The following TNFSF15 variants were observed in gnomAD, a reference collection of about 807,000 sequenced individuals.
The protein encoded by TNFSF15 is TNF superfamily member 15.
A neutral mutation model predicts 26.4 loss-of-function variants in TNFSF15; 15 were observed. The observed-to-expected ratio is 0.57, with a 90% CI of 0.38 to 0.87. The LOEUF is 0.87. Ranked by LOEUF, TNFSF15 falls within the 40% of genes least tolerant of loss-of-function variation. The pLI is 0.00. For missense variants in TNFSF15, 290 were observed against 306.1 expected (o/e 0.95, Z 0.39); for synonymous variants, 116 against 115.0 (o/e 1.01, Z -0.06).
At chr9:114,802,486 C>T (rs1471232747) in intron 1 of TNFSF15, among the ~76,000 whole-genome samples, 5 of 152,126 alleles carry the variant, frequency 3.3e-5, no homozygotes, top group East Asian at 1.9e-4. Flanking sequence ...CTCCTGACCT[C>T]GTGATCCGCC....
At chr9:114,793,712 T>C (rs1829639257) in intron 1 of TNFSF15, 144 bp from the exon 2 acceptor site, 1 of 721,796 alleles carries the variant, frequency 1.4e-6, no homozygotes, top group South Asian at 1.8e-5. Flanking sequence ...AATGAAAATA[T>C]TTTTGTTGAT....
rs151161289 is a variant in TNFSF15, at chr9:114,802,410, G to A, written c.210+3393C>T. ...TGGGACTACAGGCGCGCGCCACCAC[G>A]CCCAGCTGATTTTTGTATTTTTAGT... On this transcript the variant is annotated intron_variant, in intron 1 of 3. Coordinates refer to ENST00000374045, the MANE Select transcript of TNFSF15 (RefSeq NM_005118.4). 3.2e-4 allele frequency among the ~76,000 whole-genome samples: 49 copies of A among 152,108 alleles called. No individual in the cohort carries two copies. The East Asian group carries it at 4.1e-3, about 13-fold the overall frequency.
chr9:114,802,398 G>A (rs541945064), intron 1 of TNFSF15, among the ~76,000 whole-genome samples: 101 of 152,144 alleles, frequency 6.6e-4, no homozygotes, highest in South Asian at 2.7e-3. Flanking sequence ...GACTACAGGC[G>A]CGCGCCACCA....
chr9:114,800,195 A>G (rs958693658), intron 1 of TNFSF15, among the ~76,000 whole-genome samples: 1 of 152,042 alleles, frequency 6.6e-6, no homozygotes, highest in African/African-American at 2.4e-5. Flanking sequence ...CTTTCTGGAC[A>G]TTTTGCAGAA....
At position 114,797,565 on chromosome 9, in the gene TNFSF15, A is replaced by G. The variant is rs56106245; in HGVS notation, c.211-3997T>C. Among the ~76,000 whole-genome samples the G allele has an allele frequency of 1.8e-4, 27 of 152,372 alleles. No homozygotes were observed. The East Asian group carries it at 2.9e-3, about 16-fold the overall frequency. ...GGATGGAATAATAGCTTATTTGAGA[A>G]AAGGTTTATGCATTACAGCTGTCCT... On this transcript the variant is annotated intron_variant, in intron 1 of 3. Transcript: ENST00000374045.
At chr9:114,804,913 T>C (rs1347380346) in intron 1 of TNFSF15, among the ~76,000 whole-genome samples, 1 of 152,168 alleles carries the variant, frequency 6.6e-6, no homozygotes. Flanking sequence ...AATTTAATAC[T>C]TTGAACTGAA....
chr9:114,804,271 A>G (rs1564348079), intron 1 of TNFSF15, among the ~76,000 whole-genome samples: 1 of 152,070 alleles, frequency 6.6e-6, no homozygotes, highest in Non-Finnish European at 1.5e-5. Context: ...AGTAAAAAAG[A>G]CCCCGTGCCT....
At chr9:114,802,393 C>T (rs1197397102) in intron 1 of TNFSF15, among the ~76,000 whole-genome samples, 3 of 152,146 alleles carry the variant, frequency 2.0e-5, no homozygotes, top group Admixed American at 1.3e-4. Context: ...GCTGGGACTA[C>T]AGGCGCGCGC....
At chr9:114,805,544 A>C (rs1296744277) in intron 1 of TNFSF15, among the ~76,000 whole-genome samples, 1 of 152,178 alleles carries the variant, frequency 6.6e-6, no homozygotes, top group African/African-American at 2.4e-5. Flanking sequence ...CCAGTATACT[A>C]TGATTATAAT....
intron 1 of TNFSF15, among the ~76,000 whole-genome samples, chr9:114,801,226 C>T (rs1452678489): frequency 6.6e-6 from 1 of 152,148 alleles, no homozygotes; most frequent in Non-Finnish European, 1.5e-5. Flanking sequence ...CAGAGCTGTG[C>T]CCAGAGAGGA....
intron 3 of TNFSF15, 174 bp downstream of exon 3, chr9:114,792,233 A>G (rs1199962204): frequency 5.1e-6 from 1 of 195,456 alleles, no homozygotes; most frequent in Non-Finnish European, 8.3e-6. Flanking sequence ...GTACACACAC[A>G]CACACACACA....
At position 114,793,547 on chromosome 9, in the gene TNFSF15, C is replaced by T; in HGVS notation, c.232G>A (p.Ala78Thr). The T allele has an allele frequency of 6.2e-7, 1 of 1,613,882 alleles. No homozygotes were observed. The highest frequency in any genetic ancestry group is 8.5e-7 in the Non-Finnish European group (1 of 1,179,794). ...TTACAAACTTGCTGATGTGAAGGTG[C>T]AAACTCCTGTCCTTTTAGAGCCTAT... ...QFQALKGQEF[A>T]PSHQQVYAPL... The change falls in exon 2 of 4, where the codon GCA becomes ACA. Residue 78 changes from alanine (A) to threonine (T), a missense_variant. By Grantham distance (58) the Ala-to-Thr change is moderately conservative. Coordinates refer to ENST00000374045, the MANE Select transcript of TNFSF15 (RefSeq NM_005118.4).
At chr9:114,800,308 C>G (rs1054682150) in intron 1 of TNFSF15, among the ~76,000 whole-genome samples, 1 of 152,130 alleles carries the variant, frequency 6.6e-6, no homozygotes, top group African/African-American at 2.4e-5. Flanking sequence ...CCCTCCAACC[C>G]TCCCTCCATC....
At chr9:114,803,933 C>T (rs752272048) in intron 1 of TNFSF15, among the ~76,000 whole-genome samples, 1 of 152,224 alleles carries the variant, frequency 6.6e-6, no homozygotes, top group African/African-American at 2.4e-5. Context: ...CCGTCTGCAT[C>T]TCAGCAAAGA....
intron 3 of TNFSF15, 102 bp downstream of exon 3, chr9:114,792,305 A>G: frequency 1.4e-6 from 2 of 1,397,434 alleles, no homozygotes; most frequent in South Asian, 1.4e-5. Context: ...CAAGGAATGT[A>G]GTTTTCATTT....
At chr9:114,803,419 C>A (rs1339093614) in intron 1 of TNFSF15, among the ~76,000 whole-genome samples, 1 of 152,164 alleles carries the variant, frequency 6.6e-6, no homozygotes, top group Non-Finnish European at 1.5e-5. Context: ...AAGCCACATG[C>A]CTATTTTCAT....
At chr9:114,804,053 C>A (rs567104101) in intron 1 of TNFSF15, among the ~76,000 whole-genome samples, 4 of 152,326 alleles carry the variant, frequency 2.6e-5, no homozygotes, top group African/African-American at 9.6e-5. Context: ...TGAGCCCAGC[C>A]TCACCCCCAT....
chr9:114,803,423 T>C (rs565701093), intron 1 of TNFSF15, among the ~76,000 whole-genome samples: 1 of 152,310 alleles, frequency 6.6e-6, no homozygotes, highest in East Asian at 1.9e-4. Flanking sequence ...CACATGCCTA[T>C]TTTCATAGCT....
intron 1 of TNFSF15, 46 bp from the exon 2 acceptor site, chr9:114,793,614 A>T: frequency 1.3e-6 from 2 of 1,579,622 alleles, no homozygotes; most frequent in Non-Finnish European, 1.7e-6. Context: ...GGTCCTTTTG[A>T]TCCCAACACT....
Sources: allele counts gnomAD v4.1 joint callset (sites outside exome capture counted in the v4.1 genomes callset), GRCh38; gene constraint gnomAD v4.1.1; transcripts MANE v1.5; gene names NCBI Gene and HGNC (gene_info 2026-07-23, HGNC 2026-07-21).